Variants in TEX264 observed in about 807,000 individuals in gnomAD.
The protein encoded by TEX264 is testis expressed 264, ER-phagy receptor.
A neutral mutation model predicts 23.4 loss-of-function variants in TEX264; 13 were observed. The observed-to-expected ratio is 0.56, with a 90% confidence interval of 0.36 to 0.88. TEX264 has a LOEUF of 0.88. Among genes scored for constraint, TEX264 ranks in the 40% least tolerant of loss-of-function variants. The pLI, the probability that TEX264 is intolerant of heterozygous loss-of-function variation, is 0.01. For missense variants in TEX264, 340 were observed against 406.8 expected (o/e 0.84, Z 1.41); for synonymous variants, 159 against 170.0 (o/e 0.94, Z 0.50).
At chr3:51,687,519 G>A (rs1386091922) in intron 3 of TEX264, among the ~76,000 whole-genome samples, 3 of 152,232 alleles carry the variant, frequency 2.0e-5, no homozygotes, top group Non-Finnish European at 4.4e-5. Context: ...TTCTAGCACC[G>A]ACAGCTTTTA....
chr3:51,674,610 C>T, intron 2 of TEX264, 48 bp downstream of exon 2: 2 of 1,595,898 alleles, frequency 1.3e-6, no homozygotes, highest in South Asian at 1.1e-5. Context: ...CCTGGTGGGC[C>T]AGGGCTTCTT....
At chr3:51,692,099 C>G (rs1292115513) in intron 3 of TEX264, among the ~76,000 whole-genome samples, 3 of 152,236 alleles carry the variant, frequency 2.0e-5, no homozygotes, top group Admixed American at 6.5e-5. Flanking sequence ...AGCCACCACT[C>G]TCAAAATACC....
At chr3:51,695,072 T>C (rs1342530644) in intron 3 of TEX264, among the ~76,000 whole-genome samples, 5 of 152,150 alleles carry the variant, frequency 3.3e-5, no homozygotes, top group Non-Finnish European at 7.4e-5. Flanking sequence ...GGCAGGTGCA[T>C]GTTGGTGTCT....
chr3:51,698,175 A>G (rs940133897), intron 3 of TEX264, among the ~76,000 whole-genome samples: 2 of 151,830 alleles, frequency 1.3e-5, no homozygotes, highest in Non-Finnish European at 1.5e-5. Context: ...TCCCTTTATC[A>G]TCCGTGGGCT....
chr3:51,698,259 G>A (rs551369450), intron 3 of TEX264, among the ~76,000 whole-genome samples: 1 of 152,342 alleles, frequency 6.6e-6, no homozygotes, highest in African/African-American at 2.4e-5. Context: ...CCAGGCAGGT[G>A]GACAAGTGGA....
chr3:51,680,601 C>T (rs1702393722), intron 2 of TEX264, among the ~76,000 whole-genome samples: 1 of 152,374 alleles, frequency 6.6e-6, no homozygotes, highest in Non-Finnish European at 1.5e-5. Context: ...CTTGTCTTTA[C>T]CCCGAGTGGT....
chr3:51,686,888 A>G lies in TEX264; in HGVS notation c.480+2254A>G, dbSNP rs1453981722. On this transcript the variant is annotated intron_variant, in intron 3 of 4. Coordinates refer to ENST00000341333, the MANE Select transcript of TEX264 (RefSeq NM_015926.6). This position sits in a 1 kb window ranked among gnomAD's most constrained non-coding sequence, Gnocchi z 4.1. Reference sequence around the variant, plus strand: ...CAGACCTCAGAACAGGACATGTGGCATGTGGTGTGGTGGTGAGCAACTCAG... The same window carrying G: ...CAGACCTCAGAACAGGACATGTGGCGTGTGGTGTGGTGGTGAGCAACTCAG... 6.6e-6 allele frequency among the ~76,000 whole-genome samples: 1 copy of G among 152,184 alleles called. No individual in the cohort carries two copies. Among genetic ancestry groups the G allele is most frequent in the Non-Finnish European group, 1.5e-5 (1 of 68,038 alleles).
chr3:51,682,035 GAACTCA>G (rs1469771379), intron 2 of TEX264: 1 of 152,216 alleles, frequency 6.6e-6, no homozygotes, highest in Admixed American at 6.5e-5. Flanking sequence ...AAAGACCCTG[GAACTCA>G]AACCCAGGCA....
chr3:51,702,158 T>C (rs1703330156), intron 4 of TEX264, among the ~76,000 whole-genome samples: 1 of 152,250 alleles, frequency 6.6e-6, no homozygotes, highest in African/African-American at 2.4e-5. Context: ...TACAGTTTAA[T>C]AGGGCCAGGG....
At chr3:51,673,660 T>C (rs1326156887) in intron 1 of TEX264, among the ~76,000 whole-genome samples, 1 of 152,242 alleles carries the variant, frequency 6.6e-6, no homozygotes, top group Non-Finnish European at 1.5e-5. Context: ...GTAAGCTTGC[T>C]GGATAGCAAG....
At chr3:51,674,190 G>A (rs1399124367) in intron 1 of TEX264, 81 bp from the exon 2 acceptor site, 1 of 1,488,634 alleles carries the variant, frequency 6.7e-7, no homozygotes, top group Non-Finnish European at 9.2e-7. Context: ...TGAGGAGGTT[G>A]GGCCAGAACT....
intron 4 of TEX264, among the ~76,000 whole-genome samples, chr3:51,701,901 G>A (rs892238847): frequency 2.0e-5 from 3 of 152,214 alleles, no homozygotes; most frequent in Non-Finnish European, 2.9e-5. Context: ...CAAAGTGCTG[G>A]GATTACAGGC....
rs146523724 is a variant in TEX264, at chr3:51,687,891, C to T, written c.480+3257C>T. 3.3e-3 allele frequency among the ~76,000 whole-genome samples: 503 copies of T among 152,316 alleles called. 7 individuals carry two copies. Among genetic ancestry groups the T allele is most frequent in the African/African-American group, 0.011 (447 of 41,558 alleles). ...AAGGAGAAGCACTTGTCAGGACTCT[C>T]GGGATTCTGGAAGGGATGGCTGATC... On this transcript the variant is annotated intron_variant, in intron 3 of 4. Coordinates refer to ENST00000341333, the MANE Select transcript of TEX264 (RefSeq NM_015926.6).
At position 51,700,899 on chromosome 3, in the gene TEX264, G is replaced by A. The variant is rs982230259; in HGVS notation, c.649+1325G>A. On this transcript the variant is annotated intron_variant, in intron 4 of 4. Coordinates refer to ENST00000341333, the MANE Select transcript of TEX264 (RefSeq NM_015926.6). ...CTGTCCTGACACCCCAGCGGGACTC[G>A]GTGTTTGCCCACCAGGTGCATGCCA... 5.3e-5 allele frequency among the ~76,000 whole-genome samples: 8 copies of A among 152,124 alleles called. No individual in the cohort carries two copies. In the South Asian group the frequency reaches 8.3e-4, roughly 16 times the overall value.
intron 1 of TEX264, 52 bp from the exon 2 acceptor site, chr3:51,674,219 C>T (rs1577488647): frequency 6.3e-7 from 1 of 1,576,350 alleles, no homozygotes; most frequent in Non-Finnish European, 8.6e-7. Context: ...GGCAAGTGGG[C>T]ACATTGTCAG....
At chr3:51,696,984 T>C (rs1703082739) in intron 3 of TEX264, among the ~76,000 whole-genome samples, 1 of 152,074 alleles carries the variant, frequency 6.6e-6, no homozygotes, top group Admixed American at 6.5e-5. Flanking sequence ...TGAGATGCTG[T>C]GAGGAGGGAG....
chr3:51,683,153 A>C (rs1376869117), intron 2 of TEX264: 2 of 152,872 alleles, frequency 1.3e-5, no homozygotes, highest in Non-Finnish European at 2.9e-5. Context: ...CTGGCAAAAA[A>C]AATTTTTTTG....
chr3:51,687,620 G>A (rs1034093655), intron 3 of TEX264, among the ~76,000 whole-genome samples: 4 of 152,226 alleles, frequency 2.6e-5, no homozygotes, highest in Admixed American at 6.5e-5. Context: ...GACAGCAGCC[G>A]TCAGCTTTCT....
intron 1 of TEX264, among the ~76,000 whole-genome samples, chr3:51,673,982 C>T (rs1318735629): frequency 1.3e-5 from 2 of 152,126 alleles, no homozygotes; most frequent in Admixed American, 1.3e-4. Context: ...CTCCTGTGCC[C>T]CTCTGTGACT....
Sources: allele counts gnomAD v4.1 joint callset (sites outside exome capture counted in the v4.1 genomes callset), GRCh38; gene constraint gnomAD v4.1.1; non-coding constraint Gnocchi (gnomAD v3.1); transcripts MANE v1.5; gene names NCBI Gene and HGNC (gene_info 2026-07-23, HGNC 2026-07-21).